The following DRD2 variants were observed in gnomAD, a reference collection of about 807,000 sequenced individuals.
The protein encoded by DRD2 is dopamine receptor D2, also known as D(2) dopamine receptor.
DRD2 carries 8 observed loss-of-function variants against 38.0 expected under a neutral mutation model. The observed-to-expected ratio is 0.21, with a 90% CI of 0.12 to 0.38. The LOEUF (loss-of-function observed/expected upper bound fraction) is 0.38. DRD2 is among the 10% of genes least tolerant of loss of function. DRD2 has a pLI of 1.00. For synonymous variants in DRD2, 230 were observed against 238.6 expected, an observed-to-expected ratio of 0.96 and a Z score of 0.33; for missense variants, 403 against 607.7, an observed-to-expected ratio of 0.66 and a Z score of 3.54.
At chr11:113,453,229 A>G (rs994417301) in intron 1 of DRD2, among the ~76,000 whole-genome samples, 1 of 152,198 alleles carries the variant, frequency 6.6e-6, no homozygotes, top group Non-Finnish European at 1.5e-5. Flanking sequence ...AATATCAACA[A>G]CAAAAAATAC....
At chr11:113,436,521 TC>T (rs1177015057) in intron 1 of DRD2, among the ~76,000 whole-genome samples, 43 of 152,304 alleles carry the variant, frequency 2.8e-4, no homozygotes, top group African/African-American at 9.1e-4. Context: ...ATTATGGCAT[TC>T]TGGTGAATTT....
intron 7 of DRD2, chr11:113,412,257 G>A (rs1029112760): frequency 4.3e-6 from 2 of 467,766 alleles, no homozygotes; most frequent in Non-Finnish European, 7.9e-6. Flanking sequence ...GGCCCATGAG[G>A]TTCTGGTGCC....
chr11:113,463,444 G>C (rs575982349), intron 1 of DRD2, among the ~76,000 whole-genome samples: 5 of 152,160 alleles, frequency 3.3e-5, no homozygotes, highest in African/African-American at 2.4e-5. Context: ...CCCTGAACAC[G>C]TTACTTCCCT....
rs547221056 is a variant in DRD2 at position 113,420,507 on chromosome 11, T to C, written c.286-2371A>G. ...CATCTACTGTGGGCATTGCACTTTATCTCATGTATCGTTCTTAAAACTTTT... is the reference window on the plus strand; with the variant it reads ...CATCTACTGTGGGCATTGCACTTTACCTCATGTATCGTTCTTAAAACTTTT... On this transcript the variant is annotated intron_variant, in intron 2 of 7. Transcript: ENST00000362072. 2.6e-5 allele frequency among the ~76,000 whole-genome samples: 4 copies of C among 152,320 alleles called. No individual in the cohort carries two copies. In the East Asian group the frequency reaches 7.7e-4, roughly 29 times the overall value.
chr11:113,435,707 C>T lies in DRD2; in HGVS notation c.-31-11025G>A, dbSNP rs754674362. Among the ~76,000 whole-genome samples the T allele has an allele frequency of 6.9e-4, 97 of 141,526 alleles. 1 individual carries two copies. Among genetic ancestry groups the T allele is most frequent in the Middle Eastern group, 7.5e-3 (2 of 268 alleles). The allele number at this position is 141,526 out of a possible 152,430, so 92.8% of individuals were successfully genotyped here. A position where few individuals can be genotyped will look rare whatever the true frequency, so the allele number is the denominator to read the frequency against. On this transcript the variant is annotated intron_variant, in intron 1 of 7. Transcript: ENST00000362072. ...AATCTGGGAAGTTGAGCTTGGTTTGCCCCAGGGGCTACACAGGGTCACCTG... is the reference window on the plus strand; with the variant it reads ...AATCTGGGAAGTTGAGCTTGGTTTGTCCCAGGGGCTACACAGGGTCACCTG...
intron 1 of DRD2, among the ~76,000 whole-genome samples, chr11:113,430,440 C>A (rs1950975645): frequency 6.6e-6 from 1 of 152,226 alleles, no homozygotes; most frequent in African/African-American, 2.4e-5. Flanking sequence ...AAAATGCATT[C>A]TGATTTCAGA....
rs567901598 is a variant in DRD2 at position 113,441,808 on chromosome 11, C to A, written c.-31-17126G>T. Among the ~76,000 whole-genome samples the A allele has an allele frequency of 1.8e-4, 27 of 152,216 alleles. 1 individual carries two copies. Among genetic ancestry groups the A allele is most frequent in the Middle Eastern group, 6.8e-3 (2 of 294 alleles). On this transcript the variant is annotated intron_variant, in intron 1 of 7. Transcript: ENST00000362072. ...GACCATCCTGGCTAACACAGTGAAACCCCATCTCTACTAAAAATATAAAAA... is the reference window on the plus strand; with the variant it reads ...GACCATCCTGGCTAACACAGTGAAAACCCATCTCTACTAAAAATATAAAAA...
intron 1 of DRD2, among the ~76,000 whole-genome samples, 173 bp downstream of exon 1, chr11:113,474,903 T>G (rs1951465555): frequency 1.3e-5 from 2 of 152,090 alleles, no homozygotes; most frequent in African/African-American, 4.8e-5. Flanking sequence ...AGACGCCCTC[T>G]GCCCCCGCCC....
chr11:113,452,541 C>T (rs1591297641), intron 1 of DRD2, among the ~76,000 whole-genome samples: 2 of 151,862 alleles, frequency 1.3e-5, no homozygotes, highest in East Asian at 3.9e-4. Flanking sequence ...CCTCACCTCC[C>T]CAGGGTCCTA....
intron 1 of DRD2, among the ~76,000 whole-genome samples, chr11:113,453,956 C>T (rs138829170): frequency 1.3e-5 from 2 of 152,228 alleles, no homozygotes; most frequent in Non-Finnish European, 2.9e-5. Flanking sequence ...GAGGATGGAA[C>T]TAATATTAGG....
In DRD2 at chr11:113,423,315, G is replaced by A. The variant is rs143171720; in HGVS notation, c.285+1052C>T. On this transcript the variant is annotated intron_variant, in intron 2 of 7. Transcript: ENST00000362072. The stretch of plus-strand genomic sequence containing the variant: ...TTTTGAGACAGAGTCTTGCTCTGTC[G>A]CCCAGGCTGGAGTGCAATGGTATGA... Among the ~76,000 whole-genome samples the A allele has an allele frequency of 5.5e-3, 837 of 151,604 alleles. 7 individuals are homozygous for A. The highest frequency in any genetic ancestry group is 0.019 in the African/African-American group (766 of 41,258).
intron 1 of DRD2, among the ~76,000 whole-genome samples, chr11:113,466,177 C>G (rs1951367182): frequency 6.6e-6 from 1 of 152,194 alleles, no homozygotes. Context: ...ACTAGAGGGA[C>G]AGGGGATGCA....
intron 1 of DRD2, among the ~76,000 whole-genome samples, chr11:113,451,366 C>T (rs1951208188): frequency 6.6e-6 from 1 of 152,118 alleles, no homozygotes; most frequent in Admixed American, 6.5e-5. Flanking sequence ...GAAGATTGTC[C>T]AAAGCCTTAT....
chr11:113,451,046 C>T lies in DRD2; in HGVS notation c.-32+24030G>A, dbSNP rs574504310. Among the ~76,000 whole-genome samples, 30 of 152,302 alleles carry T rather than the reference C, an allele frequency of 2.0e-4. No individual in the cohort carries two copies. In the South Asian group the frequency reaches 5.8e-3, roughly 29 times the overall value. On this transcript the variant is annotated intron_variant, in intron 1 of 7. Coordinates refer to ENST00000362072, the MANE Select transcript of DRD2 (RefSeq NM_000795.4). The stretch of plus-strand genomic sequence containing the variant: ...GGAGATTTAGCTCAGTTCCTTCTCA[C>T]AGTGGGTCCAGTGGGTCTGTGAACC...
intron 1 of DRD2, among the ~76,000 whole-genome samples, chr11:113,455,851 A>G (rs1006575944): frequency 6.6e-6 from 1 of 152,212 alleles, no homozygotes; most frequent in African/African-American, 2.4e-5. Context: ...ATATAAATTA[A>G]CATAGCCATT....
chr11:113,456,708 A>G (rs1951271080), intron 1 of DRD2, among the ~76,000 whole-genome samples: 2 of 152,284 alleles, frequency 1.3e-5, no homozygotes, highest in South Asian at 4.1e-4. Context: ...ATTCATAGAG[A>G]CAGAAGGTAA....
intron 1 of DRD2, among the ~76,000 whole-genome samples, chr11:113,443,651 T>C (rs532662216): frequency 1.3e-5 from 2 of 152,342 alleles, no homozygotes; most frequent in South Asian, 4.1e-4. Flanking sequence ...GCCAGGCAGT[T>C]AGTCCTCTGC....
At position 113,410,185 on chromosome 11, in the gene DRD2, C is replaced by T. The variant is rs1950753866; in HGVS notation, c.*542G>A. The T allele has an allele frequency of 5.2e-6, 1 of 192,804 alleles. No individual in the cohort carries two copies. The highest frequency in any genetic ancestry group is 1.1e-4 in the South Asian group (1 of 8,762). 11.9% of individuals were successfully genotyped at this position (192,804 alleles called of 1,614,324 possible). ...TGCGGGAGGGAGCTAAGGTTTTTGGCTTGGGAATCTCTGGGGTCCAACCTG... is the reference window on the plus strand; with the variant it reads ...TGCGGGAGGGAGCTAAGGTTTTTGGTTTGGGAATCTCTGGGGTCCAACCTG... On this transcript the variant is annotated 3_prime_UTR_variant, in exon 8 of 8. Transcript: ENST00000362072.
At chr11:113,449,797 T>C (rs78303686) in intron 1 of DRD2, among the ~76,000 whole-genome samples, 4,125 of 152,272 alleles carry the variant, frequency 0.027, 91 homozygotes, top group East Asian at 0.079. Flanking sequence ...CTTCCAAGAA[T>C]TGGAGCCAGA....
Sources: allele counts gnomAD v4.1 joint callset (sites outside exome capture counted in the v4.1 genomes callset), GRCh38; gene constraint gnomAD v4.1.1; transcripts MANE v1.5; gene names NCBI Gene and HGNC (gene_info 2026-07-23, HGNC 2026-07-21).